The following TENM4 variants were observed in gnomAD, a reference collection of about 807,000 sequenced individuals.
TENM4 encodes teneurin transmembrane protein 4, also known as teneurin-4.
In TENM4, 82 loss-of-function variants were observed where a neutral mutation model predicts 243.3. The observed-to-expected ratio is 0.34, with a 90% CI of 0.28 to 0.40. The LOEUF (loss-of-function observed/expected upper bound fraction) is 0.40. Ranked by LOEUF, TENM4 falls within the 10% of genes least tolerant of loss-of-function variation. The probability of loss-of-function intolerance (pLI) is 1.00; values close to 1 mark genes in which losing one functional copy is unlikely to be tolerated. For synonymous variants in TENM4, 1,412 were observed against 1,456.3 expected (o/e 0.97, Z 0.69); for missense variants, 3,138 against 3,673.3 (o/e 0.85, Z 3.77).
At chr11:79,331,846 G>T (rs1857066913) in intron 1 of TENM4, among the ~76,000 whole-genome samples, 1 of 152,216 alleles carries the variant, frequency 6.6e-6, no homozygotes, top group Non-Finnish European at 1.5e-5. Flanking sequence ...TCCTTGCTTT[G>T]CCATGTAATG....
Position 79,138,331 on chromosome 11 carries a change from T to TATAATATATATA in TENM4, c.-66+10378_-66+10379insTATATATATTAT, listed in dbSNP as rs1565219213. Among the ~76,000 whole-genome samples the TATAATATATATA allele has an allele frequency of 3.9e-3, 300 of 76,128 alleles. 5 individuals carry two copies. Among genetic ancestry groups the TATAATATATATA allele is most frequent in the African/African-American group, 0.018 (276 of 15,660 alleles). 49.9% of individuals were successfully genotyped at this position (76,128 alleles called of 152,430 possible). A position where few individuals can be genotyped will look rare whatever the true frequency, so the allele number is the denominator to read the frequency against. Reference sequence around the variant, plus strand: ...CCCCTTTATATATATATATATATATTATATATATAATATATAAAAATATAT... The same window carrying TATAATATATATA: ...CCCCTTTATATATATATATATATATTATAATATATATAATATATATAATATATAAAAATATAT... On this transcript the variant is annotated intron_variant, in intron 4 of 33. Coordinates refer to ENST00000278550, the MANE Select transcript of TENM4 (RefSeq NM_001098816.3).
chr11:78,716,162 T>G (rs1173819710), intron 25 of TENM4, among the ~76,000 whole-genome samples: 1 of 152,160 alleles, frequency 6.6e-6, no homozygotes, highest in Non-Finnish European at 1.5e-5. Flanking sequence ...AACCGAGTTC[T>G]GCTTGACTCC....
chr11:78,748,821 G>A (rs955180006), intron 19 of TENM4, among the ~76,000 whole-genome samples: 2 of 152,222 alleles, frequency 1.3e-5, no homozygotes, highest in Middle Eastern at 3.4e-3. Context: ...AGTACTGAAC[G>A]CATGCTATGA....
At chr11:78,752,762 G>A (rs1285255418) in intron 19 of TENM4, among the ~76,000 whole-genome samples, 1 of 152,044 alleles carries the variant, frequency 6.6e-6, no homozygotes, top group Admixed American at 6.5e-5. Flanking sequence ...TGGCAAGAAT[G>A]CAGCCTTTTC....
chr11:78,774,553 T>A (rs904608401), intron 17 of TENM4, among the ~76,000 whole-genome samples: 2 of 152,234 alleles, frequency 1.3e-5, no homozygotes, highest in Non-Finnish European at 2.9e-5. Context: ...AGTTTCATTG[T>A]CTTACTTCTT....
At chr11:79,289,650 A>G (rs1362990654) in intron 2 of TENM4, among the ~76,000 whole-genome samples, 1 of 152,222 alleles carries the variant, frequency 6.6e-6, no homozygotes, top group Non-Finnish European at 1.5e-5. Flanking sequence ...TCCTAAGAGC[A>G]TGCTCCAATA....
intron 6 of TENM4, among the ~76,000 whole-genome samples, chr11:78,954,679 A>G (rs1228338665): frequency 6.6e-6 from 1 of 152,236 alleles, no homozygotes; most frequent in Non-Finnish European, 1.5e-5. Flanking sequence ...CACTTGCCAT[A>G]TGGCAAGTGG....
At chr11:78,879,918 A>G (rs1351749867) in intron 9 of TENM4, among the ~76,000 whole-genome samples, 1 of 152,072 alleles carries the variant, frequency 6.6e-6, no homozygotes, top group Non-Finnish European at 1.5e-5. Flanking sequence ...ACCTCTGCCC[A>G]GCTGCCCCAT....
intron 1 of TENM4, among the ~76,000 whole-genome samples, chr11:79,342,434 G>T (rs1446469805): frequency 6.6e-6 from 1 of 152,206 alleles, no homozygotes; most frequent in East Asian, 1.9e-4. Context: ...GAGCCAGTGG[G>T]CAGGAGGAGG....
intron 6 of TENM4, among the ~76,000 whole-genome samples, chr11:78,987,390 G>T (rs2082809): frequency 6.6e-6 from 1 of 152,182 alleles, no homozygotes. Context: ...TTGAGTGAAA[G>T]AAGCCAGATG....
At chr11:78,707,329 A>G (rs375796802) in intron 27 of TENM4, among the ~76,000 whole-genome samples, 94 of 152,348 alleles carry the variant, frequency 6.2e-4, no homozygotes, top group African/African-American at 2.2e-3. Context: ...AACAAAGGAC[A>G]TACCCTTGCC....
At chr11:79,153,125 C>A (rs1194604334) in intron 3 of TENM4, among the ~76,000 whole-genome samples, 1 of 152,192 alleles carries the variant, frequency 6.6e-6, no homozygotes, top group Non-Finnish European at 1.5e-5. Flanking sequence ...GATGACTAGA[C>A]TGGGGTCAGA....
At chr11:79,105,153 A>C (rs1861335399) in intron 4 of TENM4, among the ~76,000 whole-genome samples, 1 of 152,198 alleles carries the variant, frequency 6.6e-6, no homozygotes, top group Non-Finnish European at 1.5e-5. Flanking sequence ...GAAAGGGTGA[A>C]ATCATTATTT....
intron 24 of TENM4, 65 bp from the exon 25 acceptor site, chr11:78,720,455 C>A: frequency 6.4e-7 from 1 of 1,572,534 alleles, no homozygotes. Context: ...GGGTTAGAAG[C>A]ATTATTAGCA....
In TENM4 at chr11:78,688,196, C is replaced by T; in HGVS notation, c.5118G>A (p.Val1706=). 2.5e-6 allele frequency: 4 copies of T among 1,613,650 alleles called. No individual in the cohort carries two copies. The highest frequency in any genetic ancestry group is 1.1e-5 in the South Asian group (1 of 90,978). ...TGCTCACCTGGCCAGTAGGGAAGGT[C>T]ACATTTGTCAGGCGGCCAAAGCTGT... The part of the protein sequence containing the change: ...EYDSFGRLTN[V]TFPTGQVSSF... Residue 1706 remains valine, a synonymous_variant, in exon 29 of 34, where the codon GTG becomes GTA. Transcript: ENST00000278550.
intron 16 of TENM4, among the ~76,000 whole-genome samples, chr11:78,785,467 G>C (rs1027820822): frequency 3.9e-5 from 6 of 152,188 alleles, no homozygotes; most frequent in African/African-American, 1.4e-4. Context: ...AAGGGCTGCA[G>C]AGTAAGCAGC....
At chr11:79,341,292 G>T (rs981355628) in intron 1 of TENM4, among the ~76,000 whole-genome samples, 1 of 152,166 alleles carries the variant, frequency 6.6e-6, no homozygotes, top group East Asian at 1.9e-4. Flanking sequence ...TGTCAGCAGG[G>T]TTCCCTCTGC....
intron 6 of TENM4, among the ~76,000 whole-genome samples, chr11:78,923,902 T>C (rs1483730396): frequency 2.0e-5 from 3 of 151,438 alleles, no homozygotes; most frequent in Admixed American, 2.0e-4. Flanking sequence ...TTGCCCAGGC[T>C]GGAGTGCAAT....
At chr11:79,334,594 G>A (rs483650) in intron 1 of TENM4, among the ~76,000 whole-genome samples, 62,532 of 151,944 alleles carry the variant, frequency 0.41, 13,118 homozygotes, top group South Asian at 0.6. Context: ...TCCCTTGCCT[G>A]TCTCCAACCA....
Sources: gnomAD v4.1 joint callset for allele counts (sites outside exome capture counted in the v4.1 genomes callset) on GRCh38, gnomAD v4.1.1 for gene constraint, MANE v1.5 for transcripts, NCBI Gene and HGNC (gene_info 2026-07-23, HGNC 2026-07-21) for gene names.